The following TBC1D2 variants were observed in gnomAD, a reference collection of about 807,000 sequenced individuals.
The protein encoded by TBC1D2 is TBC1 domain family member 2.
A neutral mutation model predicts 91.1 loss-of-function variants in TBC1D2; 58 were observed. That is an observed-to-expected ratio of 0.64 (90% CI 0.52 to 0.79). TBC1D2 has a LOEUF of 0.79. Among genes scored for constraint, TBC1D2 ranks in the 30% least tolerant of loss-of-function variants. The probability of loss-of-function intolerance (pLI) is 0.00; values close to 1 mark genes in which losing one functional copy is unlikely to be tolerated. For missense variants in TBC1D2, 1,080 were observed against 1,208.3 expected (o/e 0.89, Z 1.57); for synonymous variants, 482 against 511.5 (o/e 0.94, Z 0.78).
At chr9:98,212,316 GC>G (rs1223888136) in intron 7 of TBC1D2, among the ~76,000 whole-genome samples, 13 of 151,998 alleles carry the variant, frequency 8.6e-5, no homozygotes, top group East Asian at 1.9e-4. Context: ...CCCTAGCCCT[GC>G]CCCCCACCTC....
chr9:98,223,995 C>A (rs771913551), intron 5 of TBC1D2, among the ~76,000 whole-genome samples: 1 of 151,908 alleles, frequency 6.6e-6, no homozygotes, highest in African/African-American at 2.4e-5. Context: ...GTCAGGAGAT[C>A]GAGACCATCC....
chr9:98,213,081 C>G (rs375327308), intron 7 of TBC1D2, 27 bp downstream of exon 7: 1 of 1,612,534 alleles, frequency 6.2e-7, no homozygotes, highest in Non-Finnish European at 8.5e-7. Context: ...GGGATGGAGA[C>G]GGCTGGAATA....
At position 98,199,684 on chromosome 9, in the gene TBC1D2, T is replaced by C. The variant is rs1828434166; in HGVS notation, c.2580-96A>G. 8.9e-6 allele frequency: 12 copies of C among 1,354,146 alleles called. No individual in the cohort carries two copies. The South Asian group carries it at 1.5e-4, about 16-fold the overall frequency. The allele number at this position is 1,354,146 out of a possible 1,614,324, so 83.9% of individuals were successfully genotyped here. A position where few individuals can be genotyped will look rare whatever the true frequency, so the allele number is the denominator to read the frequency against. ...CAGACATCCCCGCATTCCTTCTGCC[T>C]TTGTGGCTGAGCCCTGACCCCTGCC... On this transcript the variant is annotated intron_variant, in intron 12 of 12. Coordinates refer to ENST00000465784, the MANE Select transcript of TBC1D2 (RefSeq NM_001267571.2).
In TBC1D2 at chr9:98,233,435, G is replaced by A. The variant is rs745768916; in HGVS notation, c.762C>T (p.Ala254=). The A allele has an allele frequency of 1.1e-5, 18 of 1,613,870 alleles. No individual in the cohort carries two copies. The highest frequency in any genetic ancestry group is 1.7e-5 in the Admixed American group (1 of 59,976). The stretch of plus-strand genomic sequence containing the variant: ...GCTCACCTGGGGTGCTGGCGTCAGA[G>A]GCCAAGGGCTGCTCCTCCCTCTGAG... ...GEPQREEQPL[A]SDASTPGREP... is the part of the protein sequence containing the mutation. Residue 254 remains alanine (A), a synonymous_variant, in exon 4 of 13, where the codon GCC becomes GCT. Coordinates refer to ENST00000465784, the MANE Select transcript of TBC1D2 (RefSeq NM_001267571.2).
At chr9:98,250,793 T>C (rs943345865) in intron 2 of TBC1D2, among the ~76,000 whole-genome samples, 1 of 152,150 alleles carries the variant, frequency 6.6e-6, no homozygotes, top group Non-Finnish European at 1.5e-5. Flanking sequence ...TTTTCCACAT[T>C]CTTGCAGGGG....
intron 1 of TBC1D2, 77 bp downstream of exon 1, chr9:98,255,094 TCA>T: frequency 3.3e-6 from 5 of 1,523,338 alleles, no homozygotes; most frequent in Non-Finnish European, 4.4e-6. Context: ...TGTGTCCACC[TCA>T]CACTCGCGCC....
intron 2 of TBC1D2, among the ~76,000 whole-genome samples, chr9:98,246,824 C>T (rs941980942): frequency 6.6e-6 from 1 of 151,670 alleles, no homozygotes; most frequent in Non-Finnish European, 1.5e-5. Context: ...GCTGAGTTTG[C>T]GGGGAGGAAG....
Position 98,221,175 on chromosome 9 carries a change from C to T in TBC1D2, c.1032G>A (p.Arg344=). 6.4e-7 allele frequency: 1 copy of T among 1,561,614 alleles called. No individual in the cohort carries two copies. Residue 344 remains arginine (R), a synonymous_variant, in exon 6 of 13, where the codon CGG becomes CGA. Transcript: ENST00000465784. ...KALEAAQQEK[R]ASSAYLAAAE... ...CCGCCGCCAGGTATGCGCTGGACGC[C>T]CGCTTCTCCTGCTGGGCGGCCTCCA... is the stretch of plus-strand genomic sequence containing the variant.
chr9:98,204,107 G>C (rs1470976781), intron 9 of TBC1D2, among the ~76,000 whole-genome samples: 1 of 152,158 alleles, frequency 6.6e-6, no homozygotes, highest in African/African-American at 2.4e-5. Context: ...GGGCTGAGCA[G>C]GGAAGTCTTC....
intron 5 of TBC1D2, among the ~76,000 whole-genome samples, chr9:98,221,892 C>A (rs746682481): frequency 6.6e-6 from 1 of 152,150 alleles, no homozygotes; most frequent in African/African-American, 2.4e-5. Context: ...ACACACCAGG[C>A]TAATATTTGT....
chr9:98,242,803 C>CTTTTT (rs36035887), intron 3 of TBC1D2, among the ~76,000 whole-genome samples: 1,865 of 83,114 alleles, frequency 0.022, 403 homozygotes, highest in African/African-American at 0.088. Flanking sequence ...ACACTGCTGC[C>CTTTTT]TTTTTTTTTT....
At chr9:98,213,868 C>T (rs1828909848) in intron 6 of TBC1D2, among the ~76,000 whole-genome samples, 1 of 151,962 alleles carries the variant, frequency 6.6e-6, no homozygotes, top group South Asian at 2.1e-4. Flanking sequence ...CTGTGATAAA[C>T]ATCTCTGAGT....
intron 2 of TBC1D2, among the ~76,000 whole-genome samples, chr9:98,245,009 G>A (rs1172024435): frequency 6.6e-6 from 1 of 152,144 alleles, no homozygotes; most frequent in African/African-American, 2.4e-5. Flanking sequence ...GGGAGGCTGA[G>A]GCAGGCAGAT....
intron 6 of TBC1D2, among the ~76,000 whole-genome samples, chr9:98,219,368 T>TC (rs770966125): frequency 3.9e-5 from 6 of 152,198 alleles, no homozygotes; most frequent in Non-Finnish European, 8.8e-5. Flanking sequence ...CTTCCTGATT[T>TC]CTTTTTTTTT....
At chr9:98,212,058 A>G (rs1190738695) in intron 7 of TBC1D2, among the ~76,000 whole-genome samples, 7 of 151,958 alleles carry the variant, frequency 4.6e-5, no homozygotes, top group Non-Finnish European at 7.4e-5. Flanking sequence ...CGGCCTCCCA[A>G]AGCGCTGGGA....
intron 5 of TBC1D2, among the ~76,000 whole-genome samples, chr9:98,223,429 G>A (rs1022916361): frequency 1.4e-4 from 21 of 152,312 alleles, no homozygotes; most frequent in Admixed American, 3.9e-4. Flanking sequence ...TGTTTGGAAC[G>A]TCCAGAATGA....
chr9:98,253,904 C>A (rs1440262640), intron 1 of TBC1D2, among the ~76,000 whole-genome samples: 1 of 152,156 alleles, frequency 6.6e-6, no homozygotes, highest in Non-Finnish European at 1.5e-5. Context: ...CCACACCCCG[C>A]CAAGCGCAGA....
intron 3 of TBC1D2, among the ~76,000 whole-genome samples, chr9:98,238,968 C>T (rs190814263): frequency 3.9e-5 from 6 of 152,256 alleles, no homozygotes; most frequent in African/African-American, 1.4e-4. Context: ...GGTGATCCAC[C>T]CACCTCAGCC....
chr9:98,247,697 C>A (rs569225020), intron 2 of TBC1D2, among the ~76,000 whole-genome samples: 1 of 140,306 alleles, frequency 7.1e-6, no homozygotes, highest in South Asian at 2.3e-4. Flanking sequence ...CCACTGTACT[C>A]CAGCCTGGGT....
Sources: allele counts gnomAD v4.1 joint callset (sites outside exome capture counted in the v4.1 genomes callset), GRCh38; gene constraint gnomAD v4.1.1; transcripts MANE v1.5; gene names NCBI Gene and HGNC (gene_info 2026-07-23, HGNC 2026-07-21).